The following SSX2IP variants were observed in gnomAD, a reference collection of about 807,000 sequenced individuals.
SSX2IP encodes the protein afadin- and alpha-actinin-binding protein.
Under a neutral mutation model 84.9 loss-of-function variants are expected in SSX2IP, and 55 were observed. That is an observed-to-expected ratio of 0.65 (90% confidence interval 0.52 to 0.81). The LOEUF is 0.81. SSX2IP is among the 30% of genes least tolerant of loss of function. The probability of loss-of-function intolerance (pLI) is 0.00; values close to 1 mark genes in which losing one functional copy is unlikely to be tolerated. For missense variants in SSX2IP, 664 were observed against 705.2 expected (o/e 0.94, Z 0.66); for synonymous variants, 239 against 234.7 (o/e 1.02, Z -0.17).
chr1:84,680,339 G>C (rs962973702), intron 1 of SSX2IP: 5 of 152,144 alleles, frequency 3.3e-5, no homozygotes, highest in African/African-American at 4.8e-5. Context: ...TCCACTTACA[G>C]ACTAAATGGT....
intron 12 of SSX2IP, among the ~76,000 whole-genome samples, chr1:84,650,789 C>T (rs1165011224): frequency 6.6e-6 from 1 of 152,044 alleles, no homozygotes; most frequent in Non-Finnish European, 1.5e-5. Flanking sequence ...ACTGCAAGCT[C>T]CACCTCCTGG....
chr1:84,653,162 TAAAC>T (rs963911692), intron 11 of SSX2IP, among the ~76,000 whole-genome samples: 8 of 146,874 alleles, frequency 5.4e-5, no homozygotes, highest in African/African-American at 1.9e-4. Flanking sequence ...TAAGTTCAAA[TAAAC>T]AATGCAAAAA....
chr1:84,649,176 T>C (rs1300534695), intron 13 of SSX2IP, among the ~76,000 whole-genome samples: 2 of 152,188 alleles, frequency 1.3e-5, no homozygotes, highest in Admixed American at 6.5e-5. Flanking sequence ...GGATTATATA[T>C]GAACAATATT....
At chr1:84,672,575 T>G (rs1160403548) in intron 1 of SSX2IP, among the ~76,000 whole-genome samples, 1 of 152,192 alleles carries the variant, frequency 6.6e-6, no homozygotes, top group African/African-American at 2.4e-5. Context: ...ACTTAAGATC[T>G]GTGCACTTGA....
intron 1 of SSX2IP, among the ~76,000 whole-genome samples, chr1:84,683,288 T>C (rs745520074): frequency 2.6e-5 from 4 of 152,154 alleles, no homozygotes; most frequent in African/African-American, 2.4e-5. Context: ...AGCTGCTTTT[T>C]CAAACCGAAC....
intron 6 of SSX2IP, among the ~76,000 whole-genome samples, chr1:84,662,774 G>A (rs562625207): frequency 6.6e-6 from 1 of 152,282 alleles, no homozygotes; most frequent in South Asian, 2.1e-4. Context: ...ATCTACCAAA[G>A]AGTTGTTGAG....
intron 9 of SSX2IP, 49 bp downstream of exon 9, chr1:84,658,269 C>T (rs1277979186): frequency 2.5e-6 from 4 of 1,604,252 alleles, no homozygotes; most frequent in South Asian, 2.2e-5. Flanking sequence ...AAAATCAACA[C>T]CTTACCAAAT....
In SSX2IP at chr1:84,650,530, G is replaced by A; in HGVS notation, c.1505-3C>T. 6.2e-7 allele frequency: 1 copy of A among 1,614,076 alleles called. No homozygotes were observed. Among genetic ancestry groups the A allele is most frequent in the Non-Finnish European group, 8.5e-7 (1 of 1,180,010 alleles). On this transcript the variant is annotated splice_polypyrimidine_tract_variant and splice_region_variant and intron_variant, in intron 12 of 13. Transcript: ENST00000342203. The stretch of plus-strand genomic sequence containing the variant: ...TATAAGATTGTCCCAATCAGAACCT[G>A]TTGTAAAACAAGTAAGAGAAAAAGG...
At chr1:84,678,921 A>T (rs934750947) in intron 1 of SSX2IP, among the ~76,000 whole-genome samples, 1 of 152,230 alleles carries the variant, frequency 6.6e-6, no homozygotes. Flanking sequence ...TCGACAGAAA[A>T]TAATAGCTTT....
chr1:84,648,693 T>G (rs1166288588), intron 13 of SSX2IP, among the ~76,000 whole-genome samples: 1 of 152,204 alleles, frequency 6.6e-6, no homozygotes, highest in East Asian at 1.9e-4. Context: ...GGCTAGAATT[T>G]GTGTCTATAT....
chr1:84,669,322 T>C (rs1653202549), intron 4 of SSX2IP, among the ~76,000 whole-genome samples: 1 of 152,142 alleles, frequency 6.6e-6, no homozygotes, highest in Non-Finnish European at 1.5e-5. Context: ...AATATTTTTC[T>C]TGGAATTAAC....
At chr1:84,666,313 AGTTATACATCCTAGT>A in intron 4 of SSX2IP, 81 bp from the exon 5 acceptor site, 1 of 1,000,344 alleles carries the variant, frequency 1.0e-6, no homozygotes, top group Non-Finnish European at 1.5e-6. Context: ...AGTAACAAGA[AGTTATACATCCTAGT>A]GTTTATTAGT....
intron 5 of SSX2IP, among the ~76,000 whole-genome samples, chr1:84,664,771 T>C (rs1342297946): frequency 6.6e-6 from 1 of 152,140 alleles, no homozygotes; most frequent in Non-Finnish European, 1.5e-5. Flanking sequence ...TTATCTCCTA[T>C]ACCTTTTACC....
intron 8 of SSX2IP, among the ~76,000 whole-genome samples, chr1:84,659,796 CAA>C (rs35920871): frequency 5.4e-5 from 7 of 128,672 alleles, no homozygotes; most frequent in Admixed American, 7.8e-5. Flanking sequence ...GACTCCATCT[CAA>C]AAAAAAAAAA....
chr1:84,663,730 T>C (rs896289206), intron 6 of SSX2IP, among the ~76,000 whole-genome samples: 1 of 152,154 alleles, frequency 6.6e-6, no homozygotes, highest in Non-Finnish European at 1.5e-5. Context: ...GGACTACCTA[T>C]AGTCACTAGG....
At chr1:84,663,182 G>C (rs185216272) in intron 6 of SSX2IP, among the ~76,000 whole-genome samples, 54 of 152,188 alleles carry the variant, frequency 3.5e-4, no homozygotes, top group Admixed American at 3.5e-3. Context: ...GCTGCAGGTG[G>C]ACATGGAAAC....
chr1:84,656,430 T>C lies in SSX2IP; in HGVS notation c.1133A>G (p.Asp378Gly). ...GAGTTTTTCAGTTTCTTGTTCATGG[T>C]CTTGTCGTGAGATTACATCTTCATC... ...FNDEDVISRQ[D>G]HEQETEKLEL... Residue 378 changes from aspartate (D) to glycine (G), a missense_variant, in exon 10 of 14, where the codon GAC (aspartate) becomes GGC (glycine). Transcript: ENST00000342203. 1 of 1,613,640 alleles carries C rather than the reference T, an allele frequency of 6.2e-7. No homozygotes were observed. The highest frequency in any genetic ancestry group is 8.5e-7 in the Non-Finnish European group (1 of 1,179,770).
chr1:84,681,260 G>C (rs1345747381), intron 1 of SSX2IP, among the ~76,000 whole-genome samples: 1 of 152,206 alleles, frequency 6.6e-6, no homozygotes, highest in Non-Finnish European at 1.5e-5. Context: ...TTGAATTGCA[G>C]TATTATTTGA....
At position 84,676,816 on chromosome 1, in the gene SSX2IP, G is replaced by A. The variant is rs918589290; in HGVS notation, c.-89-5508C>T. Among the ~76,000 whole-genome samples, 6 of 135,344 alleles carry A rather than the reference G, an allele frequency of 4.4e-5. No homozygotes were observed. In the East Asian group the frequency reaches 9.4e-4, roughly 21 times the overall value. The allele number at this position is 135,344 out of a possible 152,430, so 88.8% of individuals were successfully genotyped here. On this transcript the variant is annotated intron_variant, in intron 1 of 13. Transcript: ENST00000342203. ...CAGCTCAATGCTATCTCAGCCTCCC[G>A]GGTTCAAGCGATTCTCCTGCCTCAG...
Sources: gnomAD v4.1 joint callset for allele counts (sites outside exome capture counted in the v4.1 genomes callset) on GRCh38, gnomAD v4.1.1 for gene constraint, MANE v1.5 for transcripts, NCBI Gene and HGNC (gene_info 2026-07-23, HGNC 2026-07-21) for gene names.